Variants in KLF13 observed in about 807,000 individuals in gnomAD.
The protein encoded by KLF13 is KLF transcription factor 13.
Under a neutral mutation model 16.7 loss-of-function variants are expected in KLF13, and 8 were observed. The ratio of observed to expected loss-of-function variants is 0.48; its 90% CI spans 0.28 to 0.87. KLF13 has a LOEUF of 0.87. Among genes scored for constraint, KLF13 ranks in the 40% least tolerant of loss-of-function variants. The pLI is 0.10. For synonymous variants in KLF13, 245 were observed against 208.4 expected, an observed-to-expected ratio of 1.18 and a Z score of -1.51; for missense variants, 447 against 452.2, an observed-to-expected ratio of 0.99 and a Z score of 0.10.
chr15:31,416,143 G>T (rs532577755), intron 1 of KLF13, among the ~76,000 whole-genome samples: 2 of 152,082 alleles, frequency 1.3e-5, no homozygotes, highest in Non-Finnish European at 2.9e-5. Flanking sequence ...TAAACAATCC[G>T]AATATACCTA....
chr15:31,432,559 CT>C (rs921193039), intron 1 of KLF13, among the ~76,000 whole-genome samples: 10 of 151,950 alleles, frequency 6.6e-5, no homozygotes, highest in African/African-American at 2.4e-4. Flanking sequence ...AGATATCCCC[CT>C]GCCTCAGCTT....
At chr15:31,421,794 T>C (rs1490924363) in intron 1 of KLF13, among the ~76,000 whole-genome samples, 1 of 152,158 alleles carries the variant, frequency 6.6e-6, no homozygotes. Context: ...TTCCTGTCAG[T>C]AATTTTTATA....
chr15:31,353,370 C>G (rs915899915), intron 1 of KLF13, among the ~76,000 whole-genome samples: 6 of 152,038 alleles, frequency 3.9e-5, no homozygotes, highest in South Asian at 2.1e-4. Context: ...GTGTTGCCTC[C>G]TGGCTGTAGA....
intron 1 of KLF13, among the ~76,000 whole-genome samples, chr15:31,339,206 G>C (rs1374098178): frequency 2.6e-5 from 4 of 152,150 alleles, no homozygotes; most frequent in African/African-American, 9.7e-5. Context: ...CCTGGCTAGA[G>C]AAGTTCCCAT....
downstream of KLF13, among the ~76,000 whole-genome samples, chr15:31,380,824 A>G (rs1436613216): frequency 2.6e-5 from 4 of 152,332 alleles, no homozygotes; most frequent in South Asian, 2.1e-4. Flanking sequence ...CCAATGGTAC[A>G]TAGGACAGGC....
chr15:31,391,084 C>T (rs2039858020), upstream of KLF13, among the ~76,000 whole-genome samples: 1 of 20,952 alleles, frequency 4.8e-5, no homozygotes, highest in African/African-American at 2.1e-4. Context: ...GGGACTATGG[C>T]GGGGGTGGAT....
downstream of KLF13, among the ~76,000 whole-genome samples, chr15:31,405,573 G>A (rs113611715): frequency 8.0e-4 from 122 of 152,356 alleles, no homozygotes; most frequent in African/African-American, 2.7e-3. Flanking sequence ...CTAGGAAATA[G>A]AAGTGAACTT....
At chr15:31,424,378 A>G (rs2040377763) in intron 1 of KLF13, among the ~76,000 whole-genome samples, 1 of 152,150 alleles carries the variant, frequency 6.6e-6, no homozygotes, top group African/African-American at 2.4e-5. Flanking sequence ...ACCATGACCA[A>G]GTGGGATTTA....
chr15:31,387,321 C>T (rs968618011), intron 1 of KLF13, among the ~76,000 whole-genome samples: 7 of 152,200 alleles, frequency 4.6e-5, no homozygotes, highest in African/African-American at 1.7e-4. Context: ...CCTGATCAGT[C>T]TGCAACCATC....
upstream of KLF13, among the ~76,000 whole-genome samples, chr15:31,388,522 G>A (rs1288439560): frequency 6.6e-6 from 1 of 151,298 alleles, no homozygotes; most frequent in African/African-American, 2.4e-5. Context: ...GGAGGCTGAG[G>A]CAGGAGAATC....
chr15:31,367,960 A>G (rs2039501787), intron 1 of KLF13, among the ~76,000 whole-genome samples: 1 of 152,146 alleles, frequency 6.6e-6, no homozygotes, highest in Non-Finnish European at 1.5e-5. Flanking sequence ...AATTCCTTCC[A>G]GAGGCTCTGA....
intron 1 of KLF13, among the ~76,000 whole-genome samples, chr15:31,361,478 G>A (rs1223090371): frequency 6.6e-6 from 1 of 152,136 alleles, no homozygotes; most frequent in Non-Finnish European, 1.5e-5. Context: ...GAGTGTACAT[G>A]CAGCTGTTTG....
chr15:31,433,268 T>C (rs1046891013), intron 1 of KLF13, among the ~76,000 whole-genome samples: 3 of 152,182 alleles, frequency 2.0e-5, no homozygotes, highest in Non-Finnish European at 1.5e-5. Context: ...GGGAGCCCCC[T>C]GGGAGCTCCA....
chr15:31,422,754 G>A (rs921489112), intron 1 of KLF13, among the ~76,000 whole-genome samples: 3 of 152,152 alleles, frequency 2.0e-5, no homozygotes, highest in South Asian at 2.1e-4. Context: ...TCAATTTTCA[G>A]CTGGGCGCAG....
intron 1 of KLF13, among the ~76,000 whole-genome samples, chr15:31,330,445 A>T (rs771171563): frequency 3.3e-5 from 5 of 152,168 alleles, no homozygotes; most frequent in Non-Finnish European, 5.9e-5. Context: ...CCTCTATGTG[A>T]CCAGGGACCG....
chr15:31,413,187 C>CAAAAAAAAAAAAAAAA (rs1161762538), intron 1 of KLF13, among the ~76,000 whole-genome samples: 28 of 63,038 alleles, frequency 4.4e-4, no homozygotes, highest in African/African-American at 6.7e-4. Context: ...AATGAATAGA[C>CAAAAAAAAAAAAAAAA]AAAAAAAAAA....
At chr15:31,409,259 T>A (rs2040163665), downstream of KLF13, among the ~76,000 whole-genome samples, 1 of 152,024 alleles carries the variant, frequency 6.6e-6, no homozygotes. Flanking sequence ...CACTCCAGCC[T>A]GGGCAACAGA....
At chr15:31,386,962 A>G (rs1162443979) in intron 1 of KLF13, among the ~76,000 whole-genome samples, 1 of 152,252 alleles carries the variant, frequency 6.6e-6, no homozygotes, top group Non-Finnish European at 1.5e-5. Context: ...TCAGGAAAAA[A>G]GACTCCTTTC....
intron 1 of KLF13, among the ~76,000 whole-genome samples, chr15:31,416,657 A>G (rs2040260196): frequency 2.0e-5 from 3 of 152,324 alleles, no homozygotes; most frequent in East Asian, 3.9e-4. Flanking sequence ...TTTATAAAAC[A>G]CCCATATCAA....
Sources: gnomAD v4.1 joint callset for allele counts (sites outside exome capture counted in the v4.1 genomes callset) on GRCh38, gnomAD v4.1.1 for gene constraint, MANE v1.5 for transcripts, NCBI Gene and HGNC (gene_info 2026-07-23, HGNC 2026-07-21) for gene names.